The following PRKN variants were observed in gnomAD, a reference collection of about 807,000 sequenced individuals.
PRKN encodes the protein E3 ubiquitin-protein ligase parkin.
A neutral mutation model predicts 59.5 loss-of-function variants in PRKN; 56 were observed. The observed-to-expected ratio is 0.94, with a 90% CI of 0.76 to 1.18. The LOEUF (loss-of-function observed/expected upper bound fraction) is 1.18. Among genes scored for constraint, PRKN ranks in the 50% most tolerant of loss-of-function variants. The pLI is 0.00. For synonymous variants in PRKN, 250 were observed against 222.1 expected (o/e 1.13, Z -1.12); for missense variants, 657 against 596.4 (o/e 1.10, Z -1.06).
chr6:162,460,168 T>C (rs73606368), intron 1 of PRKN, among the ~76,000 whole-genome samples: 16,131 of 152,266 alleles, frequency 0.11, 995 homozygotes, highest in Middle Eastern at 0.17. Context: ...TATCCATACA[T>C]TGGAATATTA....
At chr6:162,201,423 T>A (rs41268563) in intron 3 of PRKN, among the ~76,000 whole-genome samples, 171 bp from the exon 4 acceptor site, 38 of 152,288 alleles carry the variant, frequency 2.5e-4, no homozygotes, top group Non-Finnish European at 4.3e-4. Context: ...ATTTAGAAAA[T>A]CTAACTTTAT....
chr6:162,153,813 T>A (rs761475039), intron 4 of PRKN, among the ~76,000 whole-genome samples: 7 of 151,980 alleles, frequency 4.6e-5, no homozygotes, highest in Non-Finnish European at 8.8e-5. Context: ...AATTCACCTC[T>A]CCCCAATGTC....
At chr6:162,295,363 T>G (rs1335626356) in intron 2 of PRKN, among the ~76,000 whole-genome samples, 1 of 152,190 alleles carries the variant, frequency 6.6e-6, no homozygotes, top group East Asian at 1.9e-4. Flanking sequence ...CTCGATTGCC[T>G]TGATATCATG....
intron 7 of PRKN, among the ~76,000 whole-genome samples, chr6:161,757,833 A>ATCTCTCTC (rs748787015): frequency 1.1e-3 from 43 of 37,640 alleles, no homozygotes; most frequent in African/African-American, 3.3e-3. Flanking sequence ...GCAAAACTCC[A>ATCTCTCTC]TCTCTCTCTC....
At chr6:161,951,088 T>C (rs1306291526) in intron 6 of PRKN, among the ~76,000 whole-genome samples, 3 of 151,522 alleles carry the variant, frequency 2.0e-5, no homozygotes, top group Non-Finnish European at 4.4e-5. Flanking sequence ...TGGGGCAATT[T>C]CAATATTTGT....
chr6:161,976,813 A>G (rs191659766), intron 5 of PRKN, among the ~76,000 whole-genome samples: 1 of 152,350 alleles, frequency 6.6e-6, no homozygotes, highest in East Asian at 1.9e-4. Flanking sequence ...TATACAGATA[A>G]ATAGATAGAA....
intron 7 of PRKN, among the ~76,000 whole-genome samples, chr6:161,771,520 C>T (rs1183347796): frequency 6.6e-6 from 1 of 152,142 alleles, no homozygotes; most frequent in Admixed American, 6.5e-5. Flanking sequence ...TCTTATTCCT[C>T]CTTCCTTGTG....
intron 2 of PRKN, among the ~76,000 whole-genome samples, chr6:162,330,548 C>T (rs1459166223): frequency 6.6e-6 from 1 of 152,154 alleles, no homozygotes; most frequent in Non-Finnish European, 1.5e-5. Flanking sequence ...TCAGGGCATC[C>T]GTTGTTCCTG....
chr6:162,704,006 A>C, intron 1 of PRKN, among the ~76,000 whole-genome samples: 1 of 152,192 alleles, frequency 6.6e-6, no homozygotes. Context: ...TTTGCTTTGT[A>C]ATTAAGCGCC....
chr6:161,537,572 C>T lies in PRKN; in HGVS notation c.1083+11282G>A, dbSNP rs575173024. On this transcript the variant is annotated intron_variant, in intron 9 of 11. Transcript: ENST00000366898. ...GTTCACACCATTCTCCTGCCTCAGC[C>T]TCCGGAGTAGCTGGGACTACAGGCA... Among the ~76,000 whole-genome samples the T allele has an allele frequency of 2.1e-3, 312 of 152,078 alleles. 3 individuals are homozygous for T. The highest frequency in any genetic ancestry group is 7.1e-3 in the African/African-American group (296 of 41,468).
chr6:162,498,248 C>A (rs565469569), intron 1 of PRKN, among the ~76,000 whole-genome samples: 2 of 152,090 alleles, frequency 1.3e-5, no homozygotes, highest in East Asian at 3.9e-4. Flanking sequence ...ACATCTTATC[C>A]TTATACCCAA....
intron 9 of PRKN, among the ~76,000 whole-genome samples, chr6:161,439,974 G>A (rs571255810): frequency 1.4e-5 from 2 of 148,118 alleles, no homozygotes; most frequent in African/African-American, 2.5e-5. Context: ...TTTTTTTGAC[G>A]GAGTCTCACT....
chr6:162,389,028 A>AAAC (rs1787023584), intron 2 of PRKN, among the ~76,000 whole-genome samples: 1 of 151,162 alleles, frequency 6.6e-6, no homozygotes, highest in South Asian at 2.1e-4. Flanking sequence ...AAAAAAACAA[A>AAAC]AAAACCTGAC....
intron 2 of PRKN, among the ~76,000 whole-genome samples, chr6:162,420,776 A>G (rs1022041095): frequency 6.6e-6 from 1 of 152,206 alleles, no homozygotes; most frequent in African/African-American, 2.4e-5. Context: ...CTAAGAGATA[A>G]GCAGGAAAAA....
At chr6:162,646,132 A>G (rs1043478681) in intron 1 of PRKN, among the ~76,000 whole-genome samples, 6 of 151,964 alleles carry the variant, frequency 3.9e-5, no homozygotes, top group Admixed American at 3.9e-4. Flanking sequence ...TCGGCCTCCC[A>G]AAGTGCTGGG....
chr6:162,459,570 G>A lies in PRKN; in HGVS notation c.8-16097C>T, dbSNP rs371525605. 2.6e-5 allele frequency among the ~76,000 whole-genome samples: 4 copies of A among 152,128 alleles called. No individual in the cohort carries two copies. In the South Asian group the frequency reaches 6.2e-4, roughly 24 times the overall value. On this transcript the variant is annotated intron_variant, in intron 1 of 11. Transcript: ENST00000366898. ...GAGATTTAAGCCAGTGGCAAATACA[G>A]AGGCTCTCAAGCCAGACTACCTCAG...
intron 1 of PRKN, among the ~76,000 whole-genome samples, chr6:162,658,287 T>C (rs1378114733): frequency 6.6e-6 from 1 of 152,230 alleles, no homozygotes; most frequent in African/African-American, 2.4e-5. Context: ...CTTAATAAAA[T>C]GCTTGTGAAG....
intron 7 of PRKN, among the ~76,000 whole-genome samples, chr6:161,654,549 T>C (rs778672974): frequency 9.2e-5 from 14 of 152,204 alleles, no homozygotes; most frequent in Non-Finnish European, 1.8e-4. Context: ...CTTTCTGGTC[T>C]GTCAGTCTGG....
intron 6 of PRKN, among the ~76,000 whole-genome samples, chr6:161,932,140 A>T (rs73024565): frequency 0.36 from 54,758 of 151,736 alleles, 10,217 homozygotes; most frequent in Middle Eastern, 0.52. Flanking sequence ...AGAAATATTT[A>T]AAAAAATCTC....
Sources: allele counts gnomAD v4.1 joint callset (sites outside exome capture counted in the v4.1 genomes callset), GRCh38; gene constraint gnomAD v4.1.1; transcripts MANE v1.5; gene names NCBI Gene and HGNC (gene_info 2026-07-23, HGNC 2026-07-21).